ENOX1: variants seen among roughly 807,000 people sequenced by gnomAD.
ENOX1 encodes the protein ecto-NOX disulfide-thiol exchanger 1.
Under a neutral mutation model 82.5 loss-of-function variants are expected in ENOX1, and 42 were observed. That is an observed-to-expected ratio of 0.51 (90% CI 0.40 to 0.66). The LOEUF is 0.66. Among genes scored for constraint, ENOX1 ranks in the 30% least tolerant of loss-of-function variants. ENOX1 has a pLI of 0.00. For synonymous variants in ENOX1, 271 were observed against 282.2 expected (o/e 0.96, Z 0.40); for missense variants, 608 against 811.6 (o/e 0.75, Z 3.05).
intron 14 of ENOX1, among the ~76,000 whole-genome samples, chr13:43,246,945 C>A (rs142882925): frequency 1.3e-5 from 2 of 152,134 alleles, no homozygotes; most frequent in South Asian, 2.1e-4. Context: ...CAGAGAGGGG[C>A]GAGCTAAAAT....
intron 2 of ENOX1, among the ~76,000 whole-genome samples, chr13:43,519,107 T>C (rs2077664978): frequency 6.6e-6 from 1 of 152,066 alleles, no homozygotes; most frequent in Non-Finnish European, 1.5e-5. Flanking sequence ...CCCTGAGCAT[T>C]AGTTCCAGGT....
intron 2 of ENOX1, among the ~76,000 whole-genome samples, chr13:43,489,189 C>A (rs1241147354): frequency 1.3e-5 from 2 of 152,124 alleles, no homozygotes; most frequent in African/African-American, 4.8e-5. Flanking sequence ...CCATCATGGG[C>A]CCAGAGTGCT....
intron 5 of ENOX1, among the ~76,000 whole-genome samples, chr13:43,395,673 T>C (rs1443359518): frequency 6.6e-6 from 1 of 152,222 alleles, no homozygotes; most frequent in Non-Finnish European, 1.5e-5. Flanking sequence ...ATCCATACTT[T>C]CGTTATTTTT....
chr13:43,670,680 C>T (rs1240453196), intron 1 of ENOX1, among the ~76,000 whole-genome samples: 1 of 151,972 alleles, frequency 6.6e-6, no homozygotes, highest in East Asian at 1.9e-4. Flanking sequence ...ATGATGAAAC[C>T]CCACTTCCAC....
At chr13:43,392,630 G>A (rs1456480400) in intron 5 of ENOX1, among the ~76,000 whole-genome samples, 5 of 152,186 alleles carry the variant, frequency 3.3e-5, no homozygotes, top group Non-Finnish European at 5.9e-5. Context: ...AGGAGGTGGA[G>A]GTTGCAGTGA....
In ENOX1 at chr13:43,686,256, C is replaced by T. The variant is rs925456291; in HGVS notation, c.-284-18712G>A. 3.3e-5 allele frequency among the ~76,000 whole-genome samples: 5 copies of T among 152,030 alleles called. No homozygotes were observed. The East Asian group carries it at 9.7e-4, about 29-fold the overall frequency. ...TTCTCATTTTTTAAGATGAGAAAATCAAAGTGTAGGAAGCTTTAGTAACTC... is the reference window on the plus strand; with the variant it reads ...TTCTCATTTTTTAAGATGAGAAAATTAAAGTGTAGGAAGCTTTAGTAACTC... On this transcript the variant is annotated intron_variant, in intron 1 of 16. Transcript: ENST00000690772.
intron 2 of ENOX1, among the ~76,000 whole-genome samples, chr13:43,600,973 T>G (rs7990315): frequency 0.43 from 65,021 of 151,950 alleles, 16,451 homozygotes; most frequent in East Asian, 0.8. Flanking sequence ...TGGGCTTGGG[T>G]TACCCTCTAA....
intron 3 of ENOX1, among the ~76,000 whole-genome samples, chr13:43,451,365 T>C (rs1485326563): frequency 1.3e-5 from 2 of 152,136 alleles, no homozygotes; most frequent in African/African-American, 4.8e-5. Context: ...GGCCTAAAAA[T>C]CCATTTTTCT....
At chr13:43,241,964 T>C (rs1222504215) in intron 14 of ENOX1, among the ~76,000 whole-genome samples, 1 of 152,226 alleles carries the variant, frequency 6.6e-6, no homozygotes, top group Non-Finnish European at 1.5e-5. Context: ...CTTCCCTGCC[T>C]TATAAAATCC....
intron 2 of ENOX1, among the ~76,000 whole-genome samples, chr13:43,652,290 C>G (rs2084228306): frequency 6.6e-6 from 1 of 152,198 alleles, no homozygotes; most frequent in African/African-American, 2.4e-5. Flanking sequence ...CTCATCCCTA[C>G]TTGAGCCCTT....
At chr13:43,506,008 A>C (rs1017653563) in intron 2 of ENOX1, among the ~76,000 whole-genome samples, 4 of 152,040 alleles carry the variant, frequency 2.6e-5, no homozygotes, top group African/African-American at 9.7e-5. Flanking sequence ...TTAAACAGGG[A>C]ATCTTTTCCC....
intron 5 of ENOX1, among the ~76,000 whole-genome samples, chr13:43,367,243 G>T (rs960999466): frequency 6.6e-6 from 1 of 152,200 alleles, no homozygotes; most frequent in African/African-American, 2.4e-5. Flanking sequence ...ATCTAAACCC[G>T]TCTGGCATAG....
At chr13:43,255,371 A>G (rs942188957) in intron 14 of ENOX1, among the ~76,000 whole-genome samples, 4 of 152,110 alleles carry the variant, frequency 2.6e-5, no homozygotes, top group Non-Finnish European at 4.4e-5. Flanking sequence ...TTTTCCTCTA[A>G]TATCTGGAAA....
chr13:43,251,958 T>C (rs2043482777), intron 14 of ENOX1, among the ~76,000 whole-genome samples: 1 of 152,180 alleles, frequency 6.6e-6, no homozygotes, highest in Non-Finnish European at 1.5e-5. Context: ...ATTGTGCGTG[T>C]GTGTAGTGAG....
At chr13:43,530,549 G>A (rs2078168135) in intron 2 of ENOX1, among the ~76,000 whole-genome samples, 1 of 152,116 alleles carries the variant, frequency 6.6e-6, no homozygotes, top group Admixed American at 6.6e-5. Flanking sequence ...TTTGAAAATA[G>A]TTACCTTTAC....
chr13:43,386,518 T>C (rs977673760), intron 5 of ENOX1, among the ~76,000 whole-genome samples: 2 of 152,152 alleles, frequency 1.3e-5, no homozygotes, highest in Non-Finnish European at 2.9e-5. Context: ...AAGGAAATAA[T>C]GTGTTTGACA....
At chr13:43,408,055 T>C (rs144110394) in intron 5 of ENOX1, among the ~76,000 whole-genome samples, 1 of 152,168 alleles carries the variant, frequency 6.6e-6, no homozygotes, top group Non-Finnish European at 1.5e-5. Flanking sequence ...TGATCTCAAG[T>C]AGCACTTCCT....
chr13:43,321,341 C>T (rs1252100681), intron 11 of ENOX1, among the ~76,000 whole-genome samples: 1 of 152,168 alleles, frequency 6.6e-6, no homozygotes, highest in Non-Finnish European at 1.5e-5. Context: ...GAGAACCACA[C>T]TTTTGAGAAC....
At chr13:43,548,700 G>A (rs1050062461) in intron 2 of ENOX1, among the ~76,000 whole-genome samples, 1 of 152,140 alleles carries the variant, frequency 6.6e-6, no homozygotes, top group Admixed American at 6.5e-5. Context: ...AGCCCTGGTG[G>A]CCTATTCCTA....
Sources: gnomAD v4.1 joint callset for allele counts (sites outside exome capture counted in the v4.1 genomes callset) on GRCh38, gnomAD v4.1.1 for gene constraint, MANE v1.5 for transcripts, NCBI Gene and HGNC (gene_info 2026-07-23, HGNC 2026-07-21) for gene names.